Variants in CHD7 observed in about 807,000 individuals in gnomAD.
The protein encoded by CHD7 is chromodomain helicase DNA binding protein 7.
CHD7 carries 24 observed loss-of-function variants against 307.3 expected under a neutral mutation model. The observed-to-expected ratio is 0.08, with a 90% confidence interval of 0.06 to 0.11. The LOEUF (loss-of-function observed/expected upper bound fraction) is 0.11. Among genes scored for constraint, CHD7 ranks in the 10% least tolerant of loss-of-function variants. The pLI is 1.00. For synonymous variants in CHD7, 1,363 were observed against 1,349.9 expected, an observed-to-expected ratio of 1.01 and a Z score of -0.21; for missense variants, 3,106 against 3,727.1, an observed-to-expected ratio of 0.83 and a Z score of 4.34.
chr8:60,865,527 C>T lies in CHD7; in HGVS notation c.8588C>T (p.Ala2863Val). ...AAAGACTCTGAGAAAAGCACAGATGCTGTTTCGGCTGCTGACTCTGCGAAT... is the reference window on the plus strand; with the variant it reads ...AAAGACTCTGAGAAAAGCACAGATGTTGTTTCGGCTGCTGACTCTGCGAAT... ...ENKDSEKSTD[A>V]VSAADSANGS... Residue 2863 changes from alanine (A) to valine (V), a missense_variant, in exon 38 of 38, where the codon GCT (alanine) becomes GTT (valine). By Grantham distance (64) the Ala-to-Val change is moderately conservative (BLOSUM62 0). This residue lies in a region of CHD7 where 351 missense variants were observed against 366.2 expected (regional missense o/e 0.96). Coordinates refer to ENST00000423902, the MANE Select transcript of CHD7 (RefSeq NM_017780.4). This position sits in a 1 kb window ranked among gnomAD's most constrained non-coding sequence, Gnocchi z 4.3. 6.2e-7 allele frequency: 1 copy of T among 1,614,072 alleles called. No homozygotes were observed. Among genetic ancestry groups the T allele is most frequent in the Non-Finnish European group, 8.5e-7 (1 of 1,179,910 alleles).
intron 1 of CHD7, among the ~76,000 whole-genome samples, chr8:60,712,205 G>A (rs554271122): frequency 1.5e-4 from 23 of 152,266 alleles, no homozygotes; most frequent in Middle Eastern, 3.4e-3. Flanking sequence ...AGGCAGGACA[G>A]TTTTTAAAAA....
chr8:60,833,484 G>GA (rs1305034863), intron 15 of CHD7, among the ~76,000 whole-genome samples: 4 of 152,200 alleles, frequency 2.6e-5, no homozygotes, highest in African/African-American at 4.8e-5. Flanking sequence ...TTACGTGATG[G>GA]AGTGAATTTC....
intron 2 of CHD7, among the ~76,000 whole-genome samples, chr8:60,768,657 C>T (rs1810579110): frequency 6.6e-6 from 1 of 152,200 alleles, no homozygotes; most frequent in Non-Finnish European, 1.5e-5. Context: ...GATTCAAAAA[C>T]CTGTGAGATT....
At chr8:60,859,248 TA>T (rs766992679) in intron 34 of CHD7, among the ~76,000 whole-genome samples, 1 of 152,116 alleles carries the variant, frequency 6.6e-6, no homozygotes. Flanking sequence ...GATCTGTAAA[TA>T]AACCAAGTAG....
chr8:60,811,301 G>C (rs781680011), intron 7 of CHD7, among the ~76,000 whole-genome samples: 15 of 152,136 alleles, frequency 9.9e-5, no homozygotes, highest in Non-Finnish European at 2.1e-4. Context: ...AAGAAGTGTA[G>C]TCCTCCCTTT....
chr8:60,702,211 G>A (rs1000317434), intron 1 of CHD7, among the ~76,000 whole-genome samples: 7 of 152,142 alleles, frequency 4.6e-5, no homozygotes, highest in African/African-American at 1.7e-4. Context: ...ATGATGCAAA[G>A]CCCCTAGCGC....
At chr8:60,691,369 G>C (rs907161328) in intron 1 of CHD7, among the ~76,000 whole-genome samples, 2 of 152,114 alleles carry the variant, frequency 1.3e-5, no homozygotes, top group African/African-American at 4.8e-5. Flanking sequence ...CCTAATACTA[G>C]GCGAGAGGTA....
intron 2 of CHD7, among the ~76,000 whole-genome samples, chr8:60,755,703 A>T (rs1809857991): frequency 6.6e-6 from 1 of 152,204 alleles, no homozygotes; most frequent in Admixed American, 6.5e-5. Flanking sequence ...CTGTGTATTA[A>T]ATGAAATGTT....
Position 60,848,618 on chromosome 8 carries a change from C to G in CHD7, c.5300+14C>G. ...TGCTGACTCAAGGTTAGTGCGAGCT[C>G]ACATTTGTTCTCAACCTCAGTGAGA... On this transcript the variant is annotated intron_variant, in intron 24 of 37. Transcript: ENST00000423902. 2 of 1,597,366 alleles carry G rather than the reference C, an allele frequency of 1.3e-6. No homozygotes were observed. The highest frequency in any genetic ancestry group is 1.7e-6 in the Non-Finnish European group (2 of 1,166,046).
chr8:60,773,894 T>C (rs1460551530), intron 2 of CHD7, among the ~76,000 whole-genome samples: 1 of 152,256 alleles, frequency 6.6e-6, no homozygotes, highest in Non-Finnish European at 1.5e-5. Flanking sequence ...AGTGATTCTC[T>C]ACAGCTTTAG....
At chr8:60,731,711 GT>G (rs1714322461) in intron 1 of CHD7, among the ~76,000 whole-genome samples, 1 of 152,136 alleles carries the variant, frequency 6.6e-6, no homozygotes, top group Admixed American at 6.5e-5. Flanking sequence ...AGTTACATTT[GT>G]TTTCTTCATT....
intron 23 of CHD7, among the ~76,000 whole-genome samples, chr8:60,845,625 A>G (rs1237071856): frequency 6.6e-6 from 1 of 152,180 alleles, no homozygotes; most frequent in Non-Finnish European, 1.5e-5. Flanking sequence ...AGACTTTTAA[A>G]TGGTATAGTT....
rs1173461310 is a variant in CHD7 at position 60,742,939 on chromosome 8, G to C, written c.1507G>C (p.Gly503Arg). The change falls in exon 2 of 38, where the codon GGT (glycine) becomes CGT (arginine). Residue 503 changes from glycine to arginine, a missense_variant. Transcript: ENST00000423902. ...ERLIPGQQHP[G>R]QQPSFQQLPT... ...ACTGATACCTGGCCAACAACATCCT[G>C]GTCAACAGCCATCTTTTCAGCAGTT... The C allele has an allele frequency of 1.9e-6, 3 of 1,613,152 alleles. No individual in the cohort carries two copies. The highest frequency in any genetic ancestry group is 2.5e-6 in the Non-Finnish European group (3 of 1,179,558).
At chr8:60,850,272 A>C (rs947168946) in intron 25 of CHD7, among the ~76,000 whole-genome samples, 3 of 152,242 alleles carry the variant, frequency 2.0e-5, no homozygotes, top group African/African-American at 7.2e-5. Context: ...TGTTTGTGGT[A>C]ATTCTGATAA....
intron 1 of CHD7, among the ~76,000 whole-genome samples, chr8:60,688,345 T>G (rs927036360): frequency 5.3e-5 from 8 of 152,162 alleles, no homozygotes; most frequent in Non-Finnish European, 1.0e-4. Context: ...ATTCATTGAG[T>G]GGTTACTATT....
chr8:60,777,798 T>G (rs1474366409), intron 2 of CHD7, among the ~76,000 whole-genome samples: 1 of 152,214 alleles, frequency 6.6e-6, no homozygotes, highest in Non-Finnish European at 1.5e-5. Context: ...TTATGCTGTT[T>G]AAGTTCCAAA....
intron 19 of CHD7, among the ~76,000 whole-genome samples, chr8:60,840,911 C>A (rs770248862): frequency 1.2e-4 from 18 of 152,180 alleles, no homozygotes; most frequent in Non-Finnish European, 2.5e-4. Context: ...AGCCACCATG[C>A]CTGGCCTAAA....
intron 1 of CHD7, among the ~76,000 whole-genome samples, chr8:60,723,924 CA>C (rs1483494247): frequency 6.6e-6 from 1 of 152,200 alleles, no homozygotes; most frequent in Non-Finnish European, 1.5e-5. Flanking sequence ...ACACAGGACC[CA>C]GCACCATGCA....
At chr8:60,798,830 T>C (rs1019327886) in intron 4 of CHD7, among the ~76,000 whole-genome samples, 2 of 152,348 alleles carry the variant, frequency 1.3e-5, no homozygotes, top group African/African-American at 2.4e-5. Context: ...CAAATTTAGA[T>C]TTGACATACA....
Sources: gnomAD v4.1 joint callset for allele counts (sites outside exome capture counted in the v4.1 genomes callset) on GRCh38, gnomAD v4.1.1 for gene constraint, gnomAD v4.1.1 regional missense constraint, Gnocchi (gnomAD v3.1) non-coding constraint, MANE v1.5 for transcripts, NCBI Gene and HGNC (gene_info 2026-07-23, HGNC 2026-07-21) for gene names.